Variants in CRTC3 observed in about 807,000 individuals in gnomAD.
CRTC3 encodes CREB-regulated transcription coactivator 3.
A neutral mutation model predicts 74.5 loss-of-function variants in CRTC3; 26 were observed. The ratio of observed to expected loss-of-function variants is 0.35; its 90% CI spans 0.26 to 0.48. The LOEUF is 0.48. CRTC3 is among the 20% of genes least tolerant of loss of function. CRTC3 has a pLI of 0.99. For missense variants in CRTC3, 760 were observed against 787.3 expected (o/e 0.97, Z 0.41); for synonymous variants, 377 against 325.8 (o/e 1.16, Z -1.69).
At chr15:90,580,163 A>G (rs1967503687) in intron 2 of CRTC3, among the ~76,000 whole-genome samples, 2 of 152,180 alleles carry the variant, frequency 1.3e-5, no homozygotes, top group Non-Finnish European at 2.9e-5. Flanking sequence ...GAGTTCCCAT[A>G]AATCCTCAAA....
intron 2 of CRTC3, among the ~76,000 whole-genome samples, chr15:90,552,993 A>T (rs1596078583): frequency 6.6e-6 from 1 of 152,152 alleles, no homozygotes. Flanking sequence ...CCCTGAGACA[A>T]TCTGCTTTTA....
Position 90,641,999 on chromosome 15 carries a change from G to A in CRTC3, c.1719G>A (p.Leu573=), listed in dbSNP as rs894786432. Residue 573 remains leucine (L), a synonymous_variant, in exon 15 of 15, where the codon CTG becomes CTA. Transcript: ENST00000268184. Reference sequence around the variant, plus strand: ...TGGCAGGCCTGCCTGAGGTCAGCCTGAACGTGGACACTCCATTTCCACTGG... The same window carrying A: ...TGGCAGGCCTGCCTGAGGTCAGCCTAAACGTGGACACTCCATTTCCACTGG... ...SALAGLPEVS[L]NVDTPFPLEE... is the part of the protein sequence containing the mutation. The A allele has an allele frequency of 1.9e-6, 3 of 1,613,912 alleles. No homozygotes were observed. Among genetic ancestry groups the A allele is most frequent in the Admixed American group, 3.3e-5 (2 of 60,022 alleles).
intron 2 of CRTC3, among the ~76,000 whole-genome samples, chr15:90,591,253 C>T (rs1967794102): frequency 6.6e-6 from 1 of 151,726 alleles, no homozygotes; most frequent in South Asian, 2.1e-4. Context: ...CATGTACCAC[C>T]ATGCCTAGCT....
chr15:90,624,398 C>T (rs557969263), intron 9 of CRTC3, among the ~76,000 whole-genome samples: 181 of 152,172 alleles, frequency 1.2e-3, no homozygotes, highest in Non-Finnish European at 2.2e-3. Flanking sequence ...CCTGGCCTCC[C>T]TCTTTCCACA....
At chr15:90,575,882 A>G (rs76969999) in intron 2 of CRTC3, among the ~76,000 whole-genome samples, 2,800 of 152,308 alleles carry the variant, frequency 0.018, 77 homozygotes, top group African/African-American at 0.061. Flanking sequence ...GAACTTTAAA[A>G]TCGGCTTGTT....
chr15:90,585,030 C>T (rs934965894), intron 2 of CRTC3, among the ~76,000 whole-genome samples: 15 of 152,146 alleles, frequency 9.9e-5, no homozygotes, highest in African/African-American at 2.9e-4. Context: ...GTAGGTGTGC[C>T]GTTTGTATTG....
At chr15:90,591,111 C>A (rs1037644648) in intron 2 of CRTC3, among the ~76,000 whole-genome samples, 3 of 135,098 alleles carry the variant, frequency 2.2e-5, no homozygotes, top group African/African-American at 8.7e-5. Context: ...GGCACCACCA[C>A]GCCCCACTAT....
rs766639813 is a variant in CRTC3 at position 90,638,563 on chromosome 15, C to T, written c.1384C>T (p.Pro462Ser). 1.2e-6 allele frequency: 2 copies of T among 1,613,150 alleles called. No individual in the cohort carries two copies. The highest frequency in any genetic ancestry group is 1.1e-5 in the South Asian group (1 of 91,070). The part of the protein sequence containing the change: ...QELTQPLLQQ[P>S]RAPEAPAQQP... ...GCTCACCCAGCCCCTCCTGCAGCAG[C>T]CCCGCGCCCCTGAGGCCCCTGCCCA... The change falls in exon 12 of 15, where the codon CCC (proline) becomes TCC (serine). Residue 462 changes from proline (P) to serine (S), a missense_variant. Transcript: ENST00000268184.
rs114555239 is a variant in CRTC3 at position 90,585,175 on chromosome 15, C to T, written c.232-8461C>T. On this transcript the variant is annotated intron_variant, in intron 2 of 14. Coordinates refer to ENST00000268184, the MANE Select transcript of CRTC3 (RefSeq NM_022769.5). ...TTTCTTTTTTGAAACAACAAGGTCT[C>T]GCTCTGTGCCCCAGGCTGGAGTGCG... Among the ~76,000 whole-genome samples the T allele has an allele frequency of 6.4e-3, 975 of 152,222 alleles. 13 individuals carry two copies. Among genetic ancestry groups the T allele is most frequent in the African/African-American group, 0.022 (926 of 41,534 alleles).
At chr15:90,630,583 T>G (rs8036022) in intron 11 of CRTC3, among the ~76,000 whole-genome samples, 3,419 of 152,204 alleles carry the variant, frequency 0.022, 148 homozygotes, top group African/African-American at 0.078. Context: ...CACTGCACTG[T>G]AGCCTGGCAA....
chr15:90,563,612 C>T (rs965624275), intron 2 of CRTC3, among the ~76,000 whole-genome samples: 2 of 152,144 alleles, frequency 1.3e-5, no homozygotes, highest in African/African-American at 4.8e-5. Flanking sequence ...ACTACTTGCC[C>T]TGGCAGAGGC....
In CRTC3 at chr15:90,638,721, C is replaced by T. The variant is rs1275407389; in HGVS notation, c.1468-14C>T. 5 of 1,613,756 alleles carry T rather than the reference C, an allele frequency of 3.1e-6. No homozygotes were observed. The highest frequency in any genetic ancestry group is 4.2e-6 in the Non-Finnish European group (5 of 1,179,794). ...GAGTTCCAAGCTAAATGATCATCTCCTTATTCCCTGAAGGGCTCATCTTTG... is the reference window on the plus strand; with the variant it reads ...GAGTTCCAAGCTAAATGATCATCTCTTTATTCCCTGAAGGGCTCATCTTTG... On this transcript the variant is annotated splice_polypyrimidine_tract_variant and intron_variant, in intron 12 of 14. Coordinates refer to ENST00000268184, the MANE Select transcript of CRTC3 (RefSeq NM_022769.5).
Position 90,530,214 on chromosome 15 carries a change from G to C in CRTC3, c.132+11G>C, listed in dbSNP as rs561774830. The C allele has an allele frequency of 1.5e-4, 170 of 1,146,294 alleles. 1 individual carries two copies. In the African/African-American group the frequency reaches 2.7e-3, roughly 18 times the overall value. 71.0% of individuals were successfully genotyped at this position (1,146,294 alleles called of 1,614,324 possible). A position where few individuals can be genotyped will look rare whatever the true frequency, so the allele number is the denominator to read the frequency against. Reference sequence around the variant, plus strand: ...CTCACCCTGTCGCGGGTGAGGGCCCGGGCCGGCGCGGGCGGGGGCGGCCAC... The same window carrying C: ...CTCACCCTGTCGCGGGTGAGGGCCCCGGCCGGCGCGGGCGGGGGCGGCCAC... On this transcript the variant is annotated intron_variant, in intron 1 of 14. Transcript: ENST00000268184. The surrounding 1 kb of genome is among the most constrained non-coding windows in gnomAD (Gnocchi z 6.2).
rs1480658953 is a variant in CRTC3 at position 90,643,874 on chromosome 15, C to T, written c.*1734C>T. The T allele has an allele frequency of 4.3e-6, 1 of 232,506 alleles. No homozygotes were observed. Among genetic ancestry groups the T allele is most frequent in the Non-Finnish European group, 8.5e-6 (1 of 117,674 alleles). The allele number at this position is 232,506 out of a possible 1,614,324, so 14.4% of individuals were successfully genotyped here. ...CTGAGGGTTGCTGGACTGTTCCACCCAGAGGAGCAAGGCTGTACAATGAGG... is the reference window on the plus strand; with the variant it reads ...CTGAGGGTTGCTGGACTGTTCCACCTAGAGGAGCAAGGCTGTACAATGAGG... On this transcript the variant is annotated 3_prime_UTR_variant, in exon 15 of 15. Transcript: ENST00000268184.
At chr15:90,602,224 G>A in intron 3 of CRTC3, 100 bp from the exon 4 acceptor site, 1 of 721,908 alleles carries the variant, frequency 1.4e-6, no homozygotes, top group Non-Finnish European at 2.4e-6. Flanking sequence ...ACAGGGATAA[G>A]GAACCAAAAA....
intron 1 of CRTC3, among the ~76,000 whole-genome samples, chr15:90,532,064 C>T (rs996774532): frequency 2.0e-5 from 3 of 152,180 alleles, no homozygotes; most frequent in Non-Finnish European, 4.4e-5. Context: ...TCAGTCACCA[C>T]TTTATTCTAA....
rs767208392 is a variant in CRTC3, at chr15:90,629,387, T to C, written c.1121T>C (p.Leu374Pro). 4 of 1,614,090 alleles carry C rather than the reference T, an allele frequency of 2.5e-6. No individual in the cohort carries two copies. The highest frequency in any genetic ancestry group is 2.7e-5 in the African/African-American group (2 of 75,014). ...LRLFSLSNPS[L>P]STTNLSGPSR... ...CTGTTTTCCCTTAGCAACCCATCTC[T>C]TTCCACCACAAACCTGAGCGGCCCG... Residue 374 changes from leucine to proline, a missense_variant, in exon 11 of 15, where the codon CTT (leucine) becomes CCT (proline). Transcript: ENST00000268184.
chr15:90,530,726 A>G lies in CRTC3; in HGVS notation c.132+523A>G, dbSNP rs1039022197. 6.6e-6 allele frequency: 1 copy of G among 152,332 alleles called. No homozygotes were observed. Among genetic ancestry groups the G allele is most frequent in the Non-Finnish European group, 1.5e-5 (1 of 68,166 alleles). 9.4% of individuals were successfully genotyped at this position (152,332 alleles called of 1,614,324 possible). ...TGGGGTGGCTCGGGTTGTTGGAACC[A>G]CGACGGGATTCCGTGTCGAGTGTGA... On this transcript the variant is annotated intron_variant, in intron 1 of 14. Coordinates refer to ENST00000268184, the MANE Select transcript of CRTC3 (RefSeq NM_022769.5). The surrounding 1 kb of genome is among the most constrained non-coding windows in gnomAD (Gnocchi z 6.2).
intron 13 of CRTC3, among the ~76,000 whole-genome samples, chr15:90,640,873 C>T (rs1969413401): frequency 6.6e-6 from 1 of 152,048 alleles, no homozygotes. Flanking sequence ...GAAAAGTCAC[C>T]ACGCTGTGGA....
Sources: allele counts gnomAD v4.1 joint callset (sites outside exome capture counted in the v4.1 genomes callset), GRCh38; gene constraint gnomAD v4.1.1; non-coding constraint Gnocchi (gnomAD v3.1); transcripts MANE v1.5; gene names NCBI Gene and HGNC (gene_info 2026-07-23, HGNC 2026-07-21).